NUP214: variants seen among roughly 807,000 people sequenced by gnomAD.
NUP214 encodes the protein nuclear pore complex protein Nup214.
NUP214 carries 79 observed loss-of-function variants against 196.2 expected under a neutral mutation model. That is an observed-to-expected ratio of 0.40 (90% CI 0.34 to 0.49). NUP214 has a LOEUF of 0.49. NUP214 is among the 20% of genes least tolerant of loss of function. The probability of loss-of-function intolerance (pLI) is 0.58; values close to 1 mark genes in which losing one functional copy is unlikely to be tolerated. For missense variants in NUP214, 2,468 were observed against 2,539.0 expected, an observed-to-expected ratio of 0.97 and a Z score of 0.60; for synonymous variants, 1,020 against 990.5, an observed-to-expected ratio of 1.03 and a Z score of -0.56.
At chr9:131,189,567 A>G (rs1412944409) in intron 26 of NUP214, among the ~76,000 whole-genome samples, 1 of 152,244 alleles carries the variant, frequency 6.6e-6, no homozygotes, top group South Asian at 2.1e-4. Context: ...TCAAAAGCCT[A>G]TAAGGTAGAG....
chr9:131,169,034 GTTTTTTTTT>G (rs58054099), intron 21 of NUP214, among the ~76,000 whole-genome samples: 1 of 124,132 alleles, frequency 8.1e-6, no homozygotes, highest in African/African-American at 3.1e-5. Context: ...GTTTTTTTTT[GTTTTTTTTT>G]TTTTTTTGGA....
chr9:131,136,174 G>A (rs1831722275), intron 9 of NUP214, among the ~76,000 whole-genome samples, 168 bp downstream of exon 9: 1 of 152,176 alleles, frequency 6.6e-6, no homozygotes, highest in African/African-American at 2.4e-5. Flanking sequence ...CAAGTAGCTG[G>A]GACTGTAGGC....
chr9:131,199,155 C>T, intron 29 of NUP214, 140 bp downstream of exon 29: 1 of 1,047,340 alleles, frequency 9.5e-7, no homozygotes, highest in Non-Finnish European at 1.3e-6. Flanking sequence ...CAGCTTGGAG[C>T]ACATGTGGTC....
intron 25 of NUP214, among the ~76,000 whole-genome samples, chr9:131,188,302 T>G (rs1833510977): frequency 1.3e-5 from 2 of 152,202 alleles, no homozygotes; most frequent in South Asian, 2.1e-4. Context: ...CTTAGAAAAA[T>G]AGGTGATATT....
In NUP214 at chr9:131,201,627, G is replaced by T; in HGVS notation, c.5522-20G>T. On this transcript the variant is annotated intron_variant, in intron 29 of 35. Coordinates refer to ENST00000359428, the MANE Select transcript of NUP214 (RefSeq NM_005085.4). ...CTCATCCAATCCAAATTGAATTTTTGTTTTCTTTGTATTTTACAGGTTTTG... is the reference window on the plus strand; with the variant it reads ...CTCATCCAATCCAAATTGAATTTTTTTTTTCTTTGTATTTTACAGGTTTTG... 6.2e-7 allele frequency: 1 copy of T among 1,601,730 alleles called. No individual in the cohort carries two copies. Among genetic ancestry groups the T allele is most frequent in the East Asian group, 2.2e-5 (1 of 44,762 alleles).
intron 31 of NUP214, among the ~76,000 whole-genome samples, chr9:131,216,060 G>A (rs746051589): frequency 8.6e-5 from 13 of 151,650 alleles, no homozygotes; most frequent in Non-Finnish European, 1.9e-4. Flanking sequence ...GTGCTATCAC[G>A]CCTGGCTGAT....
At chr9:131,210,827 A>G (rs888902076) in intron 30 of NUP214, among the ~76,000 whole-genome samples, 9 of 152,218 alleles carry the variant, frequency 5.9e-5, no homozygotes, top group Non-Finnish European at 1.3e-4. Flanking sequence ...CGATCTATGC[A>G]ACAATATCAG....
intron 11 of NUP214, chr9:131,141,895 C>G (rs1004769628): frequency 6.6e-6 from 1 of 152,068 alleles, no homozygotes; most frequent in African/African-American, 2.4e-5. Flanking sequence ...CTATTATGAC[C>G]AGTTTCTTAC....
chr9:131,209,292 C>T (rs1165226937), intron 30 of NUP214, among the ~76,000 whole-genome samples: 1 of 152,136 alleles, frequency 6.6e-6, no homozygotes, highest in African/African-American at 2.4e-5. Context: ...GTGGGAGGAT[C>T]ACTTGAGCTC....
At chr9:131,220,309 C>T (rs1326354702) in intron 31 of NUP214, among the ~76,000 whole-genome samples, 1 of 152,122 alleles carries the variant, frequency 6.6e-6, no homozygotes, top group Non-Finnish European at 1.5e-5. Context: ...ATTTTGGAAC[C>T]ATTAGGAGAA....
At chr9:131,219,277 C>T (rs1834490595) in intron 31 of NUP214, among the ~76,000 whole-genome samples, 1 of 152,218 alleles carries the variant, frequency 6.6e-6, no homozygotes, top group South Asian at 2.1e-4. Flanking sequence ...GGATTTAGTC[C>T]AGCTGCGTTT....
intron 14 of NUP214, among the ~76,000 whole-genome samples, chr9:131,149,043 A>G (rs1429144769): frequency 1.3e-5 from 2 of 151,898 alleles, no homozygotes; most frequent in Non-Finnish European, 2.9e-5. Context: ...GTTTATTTTT[A>G]TGGTATAATG....
rs757097589 is a variant in NUP214 at position 131,164,135 on chromosome 9, A to G, written c.2884A>G (p.Thr962Ala). The G allele has an allele frequency of 6.8e-6, 11 of 1,614,112 alleles. No homozygotes were observed. Among genetic ancestry groups the G allele is most frequent in the Non-Finnish European group, 8.5e-6 (10 of 1,180,010 alleles). The part of the protein sequence containing the change: ...AKRKTPPVRS[T>A]APASLSRSAF... ...GAGGAAGACCCCACCAGTGAGATCCACTGCTCCAGGTAAAGAGAACCAGTA... is the reference window on the plus strand; with the variant it reads ...GAGGAAGACCCCACCAGTGAGATCCGCTGCTCCAGGTAAAGAGAACCAGTA... Residue 962 changes from threonine (T) to alanine (A), a missense_variant, in exon 21 of 36, where the codon ACT becomes GCT. By Grantham distance (58) the Thr-to-Ala change is moderately conservative. Around this residue, in one of 5 missense-constraint regions of NUP214, gnomAD observed 1,801 missense variants for 1,779.4 expected, o/e 1.01. Transcript: ENST00000359428.
At chr9:131,174,875 T>C (rs1833071573) in intron 22 of NUP214, among the ~76,000 whole-genome samples, 1 of 152,230 alleles carries the variant, frequency 6.6e-6, no homozygotes, top group Non-Finnish European at 1.5e-5. Flanking sequence ...GTTTATGCGC[T>C]ATAACAGTTT....
chr9:131,229,099 A>G (rs924754349), intron 33 of NUP214: 1 of 153,146 alleles, frequency 6.5e-6, no homozygotes, highest in African/African-American at 2.4e-5. Flanking sequence ...GCTCAGCATG[A>G]GCTGAAGGTT....
At chr9:131,195,663 A>G (rs1031100152) in intron 28 of NUP214, 2 of 177,084 alleles carry the variant, frequency 1.1e-5, no homozygotes, top group African/African-American at 4.8e-5. Flanking sequence ...TGTAGAAATG[A>G]AAGACCAAAC....
At position 131,132,639 on chromosome 9, in the gene NUP214, A is replaced by G. The variant is rs1298230154; in HGVS notation, c.707A>G (p.Glu236Gly). The part of the protein sequence containing the change: ...KKVIPCPPFY[E>G]SDHPVRVLDV... ...GTCATTCCTTGTCCTCCGTTTTATG[A>G]GTCAGATCATCCTGTCAGAGGTAAC... The change falls in exon 6 of 36, where the codon GAG becomes GGG. Residue 236 changes from glutamate (E) to glycine (G), a missense_variant. Coordinates refer to ENST00000359428, the MANE Select transcript of NUP214 (RefSeq NM_005085.4). 6.2e-7 allele frequency: 1 copy of G among 1,614,066 alleles called. No homozygotes were observed. The highest frequency in any genetic ancestry group is 1.1e-5 in the South Asian group (1 of 91,084).
At chr9:131,150,592 G>C in intron 15 of NUP214, 24 bp from the exon 16 acceptor site, 1 of 1,608,754 alleles carries the variant, frequency 6.2e-7, no homozygotes, top group East Asian at 2.2e-5. Flanking sequence ...AGACTGAGTA[G>C]TTCCTCACTT....
intron 27 of NUP214, 43 bp from the exon 28 acceptor site, chr9:131,195,190 C>G: frequency 7.1e-7 from 1 of 1,417,074 alleles, no homozygotes; most frequent in South Asian, 1.2e-5. Flanking sequence ...CAATATTGTG[C>G]CTTGGTTTGT....
Sources: gnomAD v4.1 joint callset for allele counts (sites outside exome capture counted in the v4.1 genomes callset) on GRCh38, gnomAD v4.1.1 for gene constraint, gnomAD v4.1.1 regional missense constraint, MANE v1.5 for transcripts, NCBI Gene and HGNC (gene_info 2026-07-23, HGNC 2026-07-21) for gene names.